GPAM: variants seen among roughly 807,000 people sequenced by gnomAD.
GPAM encodes the protein glycerol-3-phosphate acyltransferase, mitochondrial.
GPAM carries 56 observed loss-of-function variants against 105.0 expected under a neutral mutation model. The observed-to-expected ratio is 0.53, with a 90% CI of 0.43 to 0.67. The LOEUF (loss-of-function observed/expected upper bound fraction) is 0.67, where lower values mean the gene tolerates loss of function less well. GPAM is among the 30% of genes least tolerant of loss of function. The pLI is 0.00. For synonymous variants in GPAM, 368 were observed against 354.4 expected (o/e 1.04, Z -0.43); for missense variants, 855 against 989.8 (o/e 0.86, Z 1.83).
upstream of GPAM, among the ~76,000 whole-genome samples, chr10:112,185,571 GACACACACACACACAC>G (rs55812271): frequency 0.015 from 2,095 of 143,658 alleles, 25 homozygotes; most frequent in South Asian, 0.025. Context: ...CACACACACA[GACACACACACACACAC>G]ACACACACAC....
At position 112,152,997 on chromosome 10, in the gene GPAM, T is replaced by A. The variant is rs1227680267; in HGVS notation, c.*553A>T. On this transcript the variant is annotated 3_prime_UTR_variant, in exon 22 of 22. Transcript: ENST00000348367. ...CAGTGATACCTGGGTGTGATATATA[T>A]CAGTCCACTCAATTTATAAAGCACT... The A allele has an allele frequency of 3.2e-6, 1 of 310,140 alleles. No homozygotes were observed. The highest frequency in any genetic ancestry group is 4.8e-6 in the Non-Finnish European group (1 of 208,330). 19.2% of individuals were successfully genotyped at this position (310,140 alleles called of 1,614,324 possible).
upstream of GPAM, among the ~76,000 whole-genome samples, chr10:112,218,740 G>A (rs1203882367): frequency 6.6e-6 from 1 of 152,194 alleles, no homozygotes; most frequent in Non-Finnish European, 1.5e-5. Context: ...CCCAGGAAAG[G>A]TGTGAGGAGT....
Position 112,153,061 on chromosome 10 carries a change from A to C in GPAM, c.*489T>G. ...TGCTCCCATTAAAAATGTAGCTACT[A>C]TTGACAGATAAAACTGAAAAAGAGT... On this transcript the variant is annotated 3_prime_UTR_variant, in exon 22 of 22. Coordinates refer to ENST00000348367, the MANE Select transcript of GPAM (RefSeq NM_001244949.2). 1 of 942,360 alleles carries C rather than the reference A, an allele frequency of 1.1e-6. No homozygotes were observed. Among genetic ancestry groups the C allele is most frequent in the Non-Finnish European group, 1.3e-6 (1 of 782,366 alleles). The allele number at this position is 942,360 out of a possible 1,614,324, so 58.4% of individuals were successfully genotyped here.
chr10:112,196,377 A>G (rs1023288083), intron 1 of GPAM, among the ~76,000 whole-genome samples: 2 of 152,264 alleles, frequency 1.3e-5, no homozygotes, highest in African/African-American at 4.8e-5. Context: ...ATACTTCTAA[A>G]GAAATTTAGA....
chr10:112,178,418 T>C (rs939672594), intron 4 of GPAM, among the ~76,000 whole-genome samples: 3 of 151,846 alleles, frequency 2.0e-5, no homozygotes, highest in East Asian at 1.9e-4. Context: ...GGTGTGGTGG[T>C]CGGTGCCTGT....
chr10:112,185,571 G>GAC (rs55812271), upstream of GPAM, among the ~76,000 whole-genome samples: 981 of 143,640 alleles, frequency 6.8e-3, 11 homozygotes, highest in African/African-American at 0.014. Context: ...CACACACACA[G>GAC]ACACACACAC....
In GPAM at chr10:112,150,170, G is replaced by T; in HGVS notation, c.*3380C>A. 2.0e-6 allele frequency: 2 copies of T among 985,122 alleles called. No homozygotes were observed. The highest frequency in any genetic ancestry group is 2.4e-6 in the Non-Finnish European group (2 of 829,690). The allele number at this position is 985,122 out of a possible 1,614,324, so 61.0% of individuals were successfully genotyped here. A position where few individuals can be genotyped will look rare whatever the true frequency, so the allele number is the denominator to read the frequency against. On this transcript the variant is annotated 3_prime_UTR_variant, in exon 22 of 22. Coordinates refer to ENST00000348367, the MANE Select transcript of GPAM (RefSeq NM_001244949.2). Reference sequence around the variant, plus strand: ...TAAAATGCCAGACGGCAAGTCTCAGGTTTCTAAAATAGTTTTAAAAAACAG... The same window carrying T: ...TAAAATGCCAGACGGCAAGTCTCAGTTTTCTAAAATAGTTTTAAAAAACAG...
At chr10:112,222,368 T>C in the GPAM span, among the ~76,000 whole-genome samples, 1 of 152,204 alleles carries the variant, frequency 6.6e-6, no homozygotes, top group Non-Finnish European at 1.5e-5. Flanking sequence ...AACCCAGACA[T>C]ATTTCTATCG....
chr10:112,183,903 C>T (rs1014884766), upstream of GPAM: 2 of 152,476 alleles, frequency 1.3e-5, no homozygotes, highest in Non-Finnish European at 2.9e-5. Flanking sequence ...GTGTGCGTGC[C>T]TGTGTGTGGC....
intron 5 of GPAM, among the ~76,000 whole-genome samples, chr10:112,177,249 A>T (rs1847423659): frequency 6.6e-6 from 1 of 152,228 alleles, no homozygotes; most frequent in African/African-American, 2.4e-5. Context: ...AAGTAATATC[A>T]TAAGGGCTTC....
At chr10:112,204,567 A>G (rs1847838528) in intron 1 of GPAM, among the ~76,000 whole-genome samples, 1 of 150,856 alleles carries the variant, frequency 6.6e-6, no homozygotes, top group South Asian at 2.2e-4. Context: ...ACTGGGCATT[A>G]GGTTCTGACA....
Position 112,175,716 on chromosome 10 carries a change from G to A in GPAM, c.300-3C>T, listed in dbSNP as rs1291659178. The A allele has an allele frequency of 2.5e-6, 4 of 1,584,658 alleles. 1 individual carries two copies. In the African/African-American group the frequency reaches 5.4e-5, roughly 21 times the overall value. On this transcript the variant is annotated splice_polypyrimidine_tract_variant and splice_region_variant and intron_variant, in intron 5 of 21. Coordinates refer to ENST00000348367, the MANE Select transcript of GPAM (RefSeq NM_001244949.2). Reference sequence around the variant, plus strand: ...GTCTTGCAAGCCATCCGCGGTGTCTGTGAAAATGATTTAGCAGAGAAGTAT... The same window carrying A: ...GTCTTGCAAGCCATCCGCGGTGTCTATGAAAATGATTTAGCAGAGAAGTAT...
chr10:112,184,928 G>A (rs890032636), upstream of GPAM, among the ~76,000 whole-genome samples: 1 of 152,218 alleles, frequency 6.6e-6, no homozygotes, highest in African/African-American at 2.4e-5. Context: ...AAATAATCAT[G>A]TATGAAGAAA....
Position 112,163,684 on chromosome 10 carries a change from T to G in GPAM, c.1423+17A>C. On this transcript the variant is annotated intron_variant, in intron 14 of 21. Coordinates refer to ENST00000348367, the MANE Select transcript of GPAM (RefSeq NM_001244949.2). The stretch of plus-strand genomic sequence containing the variant: ...GAATCTAAATTGTAGAATTAAAGAG[T>G]CTGGTATTCTACTTACTGAATAGAA... 9.4e-7 allele frequency: 1 copy of G among 1,068,308 alleles called. No individual in the cohort carries two copies. Among genetic ancestry groups the G allele is most frequent in the Non-Finnish European group, 1.5e-6 (1 of 681,366 alleles). 66.2% of individuals were successfully genotyped at this position (1,068,308 alleles called of 1,614,324 possible).
chr10:112,174,774 C>T (rs1847373654), intron 6 of GPAM, among the ~76,000 whole-genome samples: 1 of 152,184 alleles, frequency 6.6e-6, no homozygotes, highest in Non-Finnish European at 1.5e-5. Context: ...AGGAATGTTT[C>T]TACACGTCAT....
At chr10:112,155,806 T>G (rs1434416726) in intron 20 of GPAM, 58 bp downstream of exon 20, 3 of 1,129,806 alleles carry the variant, frequency 2.7e-6, no homozygotes, top group Non-Finnish European at 3.8e-6. Context: ...ATTAGCAAAT[T>G]TCTGAAATCC....
At chr10:112,219,308 G>T (rs1055043154), upstream of GPAM, among the ~76,000 whole-genome samples, 1 of 152,188 alleles carries the variant, frequency 6.6e-6, no homozygotes, top group Admixed American at 6.5e-5. Flanking sequence ...ACAGGTGACA[G>T]GGCCTGGCCA....
At chr10:112,181,586 T>C (rs2133268750) in intron 3 of GPAM, 97 bp downstream of exon 3, 1 of 764,044 alleles carries the variant, frequency 1.3e-6, no homozygotes, top group Admixed American at 1.8e-5. Context: ...TTAATCTTGA[T>C]GTGATATTAT....
In GPAM at chr10:112,192,764, A is replaced by C. The variant is rs115780208; in HGVS notation, n.211-9873T>G. 6.5e-3 allele frequency among the ~76,000 whole-genome samples: 994 copies of C among 152,340 alleles called. 7 individuals are homozygous for C. Among genetic ancestry groups the C allele is most frequent in the African/African-American group, 0.023 (950 of 41,564 alleles). On this transcript the variant is annotated intron_variant and non_coding_transcript_variant, in intron 1 of 3. Coordinates refer to the GPAM transcript ENST00000480130. Reference sequence around the variant, plus strand: ...AAATAAAATTCTGACATGTGTCATAAATGTCATGGAGGTATGTGAATACCC... The same window carrying C: ...AAATAAAATTCTGACATGTGTCATACATGTCATGGAGGTATGTGAATACCC...
Sources: allele counts gnomAD v4.1 joint callset (sites outside exome capture counted in the v4.1 genomes callset), GRCh38; gene constraint gnomAD v4.1.1; transcripts MANE v1.5; gene names NCBI Gene and HGNC (gene_info 2026-07-23, HGNC 2026-07-21).